The following ADAMTS3 variants were observed in gnomAD, a reference collection of about 807,000 sequenced individuals.
ADAMTS3 encodes A disintegrin and metalloproteinase with thrombospondin motifs 3.
ADAMTS3 carries 73 observed loss-of-function variants against 129.0 expected under a neutral mutation model. The observed-to-expected ratio is 0.57, with a 90% CI of 0.47 to 0.69. ADAMTS3 has a LOEUF of 0.69. Among genes scored for constraint, ADAMTS3 ranks in the 30% least tolerant of loss-of-function variants. The pLI, the probability that ADAMTS3 is intolerant of heterozygous loss-of-function variation, is 0.00. For synonymous variants in ADAMTS3, 477 were observed against 510.8 expected, an observed-to-expected ratio of 0.93 and a Z score of 0.89; for missense variants, 1,457 against 1,514.5, an observed-to-expected ratio of 0.96 and a Z score of 0.63.
intron 4 of ADAMTS3, among the ~76,000 whole-genome samples, chr4:72,357,359 T>C (rs1229341094): frequency 1.3e-5 from 2 of 151,824 alleles, no homozygotes; most frequent in Non-Finnish European, 2.9e-5. Context: ...AACTGAAAAA[T>C]AGATTATAGT....
chr4:72,479,453 C>T (rs1255895113), intron 3 of ADAMTS3, among the ~76,000 whole-genome samples: 1 of 152,132 alleles, frequency 6.6e-6, no homozygotes, highest in East Asian at 1.9e-4. Flanking sequence ...AAAGGATTCC[C>T]TATTTAATAA....
At chr4:72,309,620 T>G in intron 14 of ADAMTS3, 100 bp from the exon 15 acceptor site, 1 of 1,342,802 alleles carries the variant, frequency 7.4e-7, no homozygotes, top group East Asian at 2.4e-5. Flanking sequence ...TGGCCCACAG[T>G]CAGCCAATTT....
intron 4 of ADAMTS3, among the ~76,000 whole-genome samples, chr4:72,401,203 G>A (rs1721905347): frequency 6.6e-6 from 1 of 151,768 alleles, no homozygotes; most frequent in Non-Finnish European, 1.5e-5. Context: ...TTTCCTAAAA[G>A]CTGGGAGTAG....
In ADAMTS3 at chr4:72,319,929, C is replaced by T. The variant is rs750295957; in HGVS notation, c.1137G>A (p.Val379=). 1.7e-5 allele frequency: 28 copies of T among 1,613,730 alleles called. No homozygotes were observed. Among genetic ancestry groups the T allele is most frequent in the Non-Finnish European group, 2.4e-5 (28 of 1,179,864 alleles). The change falls in exon 8 of 22, where the codon GTG becomes GTA. Residue 379 remains valine, a synonymous_variant. Coordinates refer to ENST00000286657, the MANE Select transcript of ADAMTS3 (RefSeq NM_014243.3). ...YAPVTGMCHP[V]RSCTLNHEDG... ...CCTCATGATTCAGGGTACAACTTCT[C>T]ACTGGATGACACATGCCGGTGACTG... is the stretch of plus-strand genomic sequence containing the variant.
chr4:72,488,624 T>C (rs991623412), intron 3 of ADAMTS3, among the ~76,000 whole-genome samples: 3 of 151,962 alleles, frequency 2.0e-5, no homozygotes, highest in African/African-American at 4.8e-5. Flanking sequence ...TTTTTCAAGA[T>C]AGATTACTTT....
In ADAMTS3 at chr4:72,434,395, T is replaced by A. The variant is rs377059695; in HGVS notation, c.505-19424A>T. On this transcript the variant is annotated intron_variant, in intron 3 of 21. Coordinates refer to ENST00000286657, the MANE Select transcript of ADAMTS3 (RefSeq NM_014243.3). ...CACAACTAAGACATGAACTCGTGTC[T>A]TTTAACTCTTAACTGATGTTCTTTT... 8.0e-4 allele frequency among the ~76,000 whole-genome samples: 19 copies of A among 23,870 alleles called. No homozygotes were observed. The South Asian group carries it at 0.027, about 33-fold the overall frequency. 15.7% of individuals were successfully genotyped at this position (23,870 alleles called of 152,430 possible). A position where few individuals can be genotyped will look rare whatever the true frequency, so the allele number is the denominator to read the frequency against.
At chr4:72,463,762 T>C (rs961100544) in intron 3 of ADAMTS3, among the ~76,000 whole-genome samples, 2 of 150,970 alleles carry the variant, frequency 1.3e-5, no homozygotes, top group Non-Finnish European at 3.0e-5. Context: ...CTTCCACAAC[T>C]TCACATCTAC....
At chr4:72,568,254 A>G (rs1020559915) in intron 1 of ADAMTS3, among the ~76,000 whole-genome samples, 4 of 152,160 alleles carry the variant, frequency 2.6e-5, no homozygotes, top group African/African-American at 9.7e-5. Context: ...ACCGTGAGTC[A>G]GTTCGGAGGA....
intron 4 of ADAMTS3, among the ~76,000 whole-genome samples, chr4:72,349,819 T>C (rs1720381354): frequency 6.6e-6 from 1 of 152,050 alleles, no homozygotes; most frequent in Admixed American, 6.6e-5. Flanking sequence ...AATTAAAATG[T>C]ATGTTATTAT....
chr4:72,539,491 G>GAAAAAAAAAAAAAAAAAAA (rs71215438), intron 3 of ADAMTS3, among the ~76,000 whole-genome samples: 1 of 86,602 alleles, frequency 1.2e-5, no homozygotes, highest in Non-Finnish European at 2.2e-5. Flanking sequence ...GCTACTATCA[G>GAAAAAAAAAAAAAAAAAAA]AAAAAAAAAA....
chr4:72,530,261 T>TATATATA (rs1322857566), intron 3 of ADAMTS3, among the ~76,000 whole-genome samples: 1 of 81,812 alleles, frequency 1.2e-5, no homozygotes, highest in Admixed American at 2.3e-4. Context: ...ATATTTATAT[T>TATATATA]ATATATAATA....
At position 72,476,083 on chromosome 4, in the gene ADAMTS3, T is replaced by TA. The variant is rs201074199; in HGVS notation, c.505-61113dup. Among the ~76,000 whole-genome samples the TA allele has an allele frequency of 6.6e-3, 998 of 151,446 alleles. 6 individuals carry two copies. The highest frequency in any genetic ancestry group is 0.023 in the African/African-American group (950 of 41,306). The stretch of plus-strand genomic sequence containing the variant: ...AGAAACTATGAAAACTAGAGCAAAG[T>TA]AAACCCAAACTAAGTAGAAAGAAGT... On this transcript the variant is annotated intron_variant, in intron 3 of 21. Coordinates refer to ENST00000286657, the MANE Select transcript of ADAMTS3 (RefSeq NM_014243.3).
chr4:72,471,551 A>G (rs1719074070), intron 3 of ADAMTS3, among the ~76,000 whole-genome samples: 1 of 152,086 alleles, frequency 6.6e-6, no homozygotes, highest in Admixed American at 6.6e-5. Flanking sequence ...CCAACTGCAT[A>G]TGTTTATAAG....
chr4:72,506,508 C>T (rs970993796), intron 3 of ADAMTS3, among the ~76,000 whole-genome samples: 13 of 152,188 alleles, frequency 8.5e-5, no homozygotes, highest in African/African-American at 3.1e-4. Flanking sequence ...ACTAAAATGC[C>T]TACATGTCCA....
chr4:72,532,375 C>T (rs2109765634), intron 3 of ADAMTS3, among the ~76,000 whole-genome samples: 1 of 152,078 alleles, frequency 6.6e-6, no homozygotes, highest in Admixed American at 6.5e-5. Flanking sequence ...GAGGACTTTC[C>T]AGGGAAATGG....
chr4:72,455,849 ATTT>A (rs1400273901), intron 3 of ADAMTS3, among the ~76,000 whole-genome samples: 1 of 124,938 alleles, frequency 8.0e-6, no homozygotes, highest in South Asian at 2.3e-4. Context: ...TATACTATAT[ATTT>A]TATATATAGT....
intron 4 of ADAMTS3, among the ~76,000 whole-genome samples, chr4:72,363,208 T>A (rs778533318): frequency 4.6e-5 from 7 of 152,082 alleles, no homozygotes; most frequent in Non-Finnish European, 1.0e-4. Context: ...GGCAAAAACA[T>A]ATATACCGCT....
intron 3 of ADAMTS3, among the ~76,000 whole-genome samples, chr4:72,455,934 A>G (rs369245292): frequency 0.047 from 3,413 of 73,164 alleles, 186 homozygotes; most frequent in Middle Eastern, 0.087. Context: ...TATATTTTAT[A>G]TATAGTATAT....
At chr4:72,329,640 C>A (rs1719793057) in intron 5 of ADAMTS3, among the ~76,000 whole-genome samples, 4 of 151,814 alleles carry the variant, frequency 2.6e-5, no homozygotes, top group Admixed American at 1.3e-4. Flanking sequence ...TGATGGAAGC[C>A]CTGAGTCTCT....
Sources: gnomAD v4.1 joint callset for allele counts (sites outside exome capture counted in the v4.1 genomes callset) on GRCh38, gnomAD v4.1.1 for gene constraint, MANE v1.5 for transcripts, NCBI Gene and HGNC (gene_info 2026-07-23, HGNC 2026-07-21) for gene names.